Variants in PLEKHA5 observed in about 807,000 individuals in gnomAD.
The protein encoded by PLEKHA5 is pleckstrin homology domain-containing family A member 5.
Under a neutral mutation model 181.9 loss-of-function variants are expected in PLEKHA5, and 55 were observed. That is an observed-to-expected ratio of 0.30 (90% CI 0.24 to 0.38). The LOEUF is 0.38. Among genes scored for constraint, PLEKHA5 ranks in the 10% least tolerant of loss-of-function variants. The pLI is 1.00. For missense variants in PLEKHA5, 1,432 were observed against 1,549.5 expected, an observed-to-expected ratio of 0.92 and a Z score of 1.27; for synonymous variants, 535 against 529.4, an observed-to-expected ratio of 1.01 and a Z score of -0.15.
chr12:19,132,638 G>A (rs905779757), intron 3 of PLEKHA5, among the ~76,000 whole-genome samples, 188 bp downstream of exon 3: 1 of 151,928 alleles, frequency 6.6e-6, no homozygotes, highest in African/African-American at 2.4e-5. Context: ...CTTTTCTAAT[G>A]TTATTTGCCT....
At chr12:19,362,497 A>G (rs1056779417) in intron 29 of PLEKHA5, among the ~76,000 whole-genome samples, 1 of 151,942 alleles carries the variant, frequency 6.6e-6, no homozygotes, top group Admixed American at 6.6e-5. Flanking sequence ...TCACACCACT[A>G]CACTCCAGCC....
chr12:19,289,156 C>G (rs1367523488), intron 13 of PLEKHA5, among the ~76,000 whole-genome samples: 1 of 152,136 alleles, frequency 6.6e-6, no homozygotes, highest in Non-Finnish European at 1.5e-5. Context: ...AGCAACTGTT[C>G]TTTTTCTCTT....
intron 3 of PLEKHA5, among the ~76,000 whole-genome samples, chr12:19,230,030 C>A (rs2060253325): frequency 6.6e-6 from 1 of 151,992 alleles, no homozygotes; most frequent in Non-Finnish European, 1.5e-5. Flanking sequence ...TTCTCCAAGT[C>A]CGCACCAGAT....
intron 25 of PLEKHA5, among the ~76,000 whole-genome samples, chr12:19,350,921 T>C (rs960062136): frequency 3.9e-5 from 6 of 152,020 alleles, no homozygotes; most frequent in Admixed American, 3.3e-4. Flanking sequence ...ACACCTTTTC[T>C]TTCTCATCCT....
intron 11 of PLEKHA5, among the ~76,000 whole-genome samples, chr12:19,280,464 A>G (rs531488823): frequency 2.6e-5 from 4 of 152,298 alleles, no homozygotes; most frequent in African/African-American, 9.6e-5. Context: ...GTATGGTCAA[A>G]TGATTTTCCC....
At chr12:19,169,097 T>C (rs543251291) in intron 3 of PLEKHA5, among the ~76,000 whole-genome samples, 2 of 152,332 alleles carry the variant, frequency 1.3e-5, no homozygotes, top group South Asian at 4.1e-4. Flanking sequence ...CATATTTTCC[T>C]TATTTTTACT....
chr12:19,253,869 C>G (rs2066100048), intron 3 of PLEKHA5, 71 bp from the exon 4 acceptor site: 5 of 910,578 alleles, frequency 5.5e-6, no homozygotes, highest in Non-Finnish European at 8.9e-6. Flanking sequence ...CCTTTGTAGA[C>G]TAATGTTACA....
At chr12:19,235,764 C>T (rs928014762) in intron 3 of PLEKHA5, among the ~76,000 whole-genome samples, 1 of 152,044 alleles carries the variant, frequency 6.6e-6, no homozygotes, top group African/African-American at 2.4e-5. Flanking sequence ...AAGGTTTAAC[C>T]TCACTTTAAA....
At chr12:19,350,132 G>C (rs1309257424) in intron 25 of PLEKHA5, among the ~76,000 whole-genome samples, 2 of 152,050 alleles carry the variant, frequency 1.3e-5, no homozygotes, top group Non-Finnish European at 1.5e-5. Context: ...ATAACAGATA[G>C]ATATATCGCA....
intron 13 of PLEKHA5, among the ~76,000 whole-genome samples, chr12:19,290,370 A>G (rs2078153622): frequency 6.6e-6 from 1 of 152,242 alleles, no homozygotes; most frequent in Non-Finnish European, 1.5e-5. Flanking sequence ...GCACTTATGT[A>G]CAAACCTTTA....
At chr12:19,180,790 T>C (rs1477804192) in intron 3 of PLEKHA5, among the ~76,000 whole-genome samples, 1 of 94,502 alleles carries the variant, frequency 1.1e-5, no homozygotes, top group African/African-American at 3.1e-5. Context: ...TTGAAAAATA[T>C]AGTGTTTTTT....
intron 15 of PLEKHA5, among the ~76,000 whole-genome samples, chr12:19,305,788 A>G (rs1342379398): frequency 7.8e-6 from 1 of 127,494 alleles, no homozygotes; most frequent in Non-Finnish European, 1.6e-5. Flanking sequence ...TCAACCTGGG[A>G]GTCGGAGGTT....
intron 3 of PLEKHA5, among the ~76,000 whole-genome samples, chr12:19,180,201 C>T (rs1030032836): frequency 6.6e-6 from 1 of 152,090 alleles, no homozygotes; most frequent in African/African-American, 2.4e-5. Flanking sequence ...GTTTATTGTG[C>T]GTGTCTGCTC....
intron 26 of PLEKHA5, 141 bp downstream of exon 26, chr12:19,354,143 C>CTTCTTTTT (rs2094771741): frequency 1.4e-5 from 1 of 73,892 alleles, no homozygotes; most frequent in Non-Finnish European, 2.3e-5. Flanking sequence ...ATTCTTTATT[C>CTTCTTTTT]TTTTTTTTTT....
chr12:19,354,261 C>T (rs2094789039), intron 26 of PLEKHA5, among the ~76,000 whole-genome samples: 1 of 140,636 alleles, frequency 7.1e-6, no homozygotes, highest in Admixed American at 7.7e-5. Context: ...ACGCCATTCT[C>T]CTGCCTTAGC....
At chr12:19,152,396 G>A (rs1039202517) in intron 3 of PLEKHA5, 13 of 152,158 alleles carry the variant, frequency 8.5e-5, no homozygotes, top group African/African-American at 3.1e-4. Flanking sequence ...TTTGACTCTA[G>A]GCTCATAGAT....
At chr12:19,286,065 G>C (rs1435645453) in intron 12 of PLEKHA5, among the ~76,000 whole-genome samples, 1 of 152,182 alleles carries the variant, frequency 6.6e-6, no homozygotes, top group African/African-American at 2.4e-5. Flanking sequence ...CAACGTTTGA[G>C]TTTTCAAGCA....
chr12:19,145,790 T>G (rs2038778777), intron 3 of PLEKHA5, among the ~76,000 whole-genome samples: 1 of 152,102 alleles, frequency 6.6e-6, no homozygotes, highest in Non-Finnish European at 1.5e-5. Flanking sequence ...AAACAACTAT[T>G]TAGATGTGGA....
chr12:19,367,483 G>T (rs1464855665), intron 30 of PLEKHA5, among the ~76,000 whole-genome samples: 1 of 145,980 alleles, frequency 6.9e-6, no homozygotes, highest in African/African-American at 2.8e-5. Context: ...TTGAACTCCT[G>T]ACCTCAGGTG....
Sources: allele counts gnomAD v4.1 joint callset (sites outside exome capture counted in the v4.1 genomes callset), GRCh38; gene constraint gnomAD v4.1.1; transcripts MANE v1.5; gene names NCBI Gene and HGNC (gene_info 2026-07-23, HGNC 2026-07-21).